DDX17: variants seen among roughly 807,000 people sequenced by gnomAD.
DDX17 encodes probable ATP-dependent RNA helicase DDX17.
Under a neutral mutation model 80.8 loss-of-function variants are expected in DDX17, and 10 were observed. The observed-to-expected ratio is 0.12, with a 90% CI of 0.08 to 0.21. DDX17 has a LOEUF of 0.21. Among genes scored for constraint, DDX17 ranks in the 10% least tolerant of loss-of-function variants. DDX17 has a pLI of 1.00. For synonymous variants in DDX17, 339 were observed against 336.2 expected (o/e 1.01, Z -0.09); for missense variants, 586 against 957.4 (o/e 0.61, Z 5.12).
At chr22:38,505,907 C>T (rs1404738402) in intron 1 of DDX17, 44 bp downstream of exon 1, 2 of 1,529,684 alleles carry the variant, frequency 1.3e-6, no homozygotes, top group Non-Finnish European at 1.8e-6. Context: ...GAAGCAACTC[C>T]CCCACCCCCA....
rs2089649235 is a variant in DDX17, at chr22:38,485,702, T to C, written c.*233A>G. On this transcript the variant is annotated 3_prime_UTR_variant, in exon 13 of 13. Transcript: ENST00000403230. ...TATATATATATATATATATTTTTTT[T>C]TTTTTTACAAAATGTTATTCCAGAC... 1 of 220,278 alleles carries C rather than the reference T, an allele frequency of 4.5e-6. No individual in the cohort carries two copies. The highest frequency in any genetic ancestry group is 1.0e-4 in the South Asian group (1 of 9,972). The allele number at this position is 220,278 out of a possible 1,614,324, so 13.6% of individuals were successfully genotyped here.
rs576411567 is a variant in DDX17, at chr22:38,499,892, C to T, written c.439-393G>A. Among the ~76,000 whole-genome samples the T allele has an allele frequency of 9.9e-5, 15 of 152,020 alleles. No homozygotes were observed. The East Asian group carries it at 1.7e-3, about 18-fold the overall frequency. ...AAGAAGAGACAATGTTGGCTGGGCA[C>T]GGTGGCTCCCACCTGTAATCCCAGC... is the stretch of plus-strand genomic sequence containing the variant. On this transcript the variant is annotated intron_variant, in intron 2 of 12. Transcript: ENST00000403230.
chr22:38,490,283 C>CT, intron 11 of DDX17: 2 of 1,267,442 alleles, frequency 1.6e-6, no homozygotes, highest in South Asian at 2.6e-5. Flanking sequence ...GGATAAGAAC[C>CT]TTTTGTCTGA....
At chr22:38,495,460 T>C (rs2089753209) in intron 6 of DDX17, among the ~76,000 whole-genome samples, 1 of 152,154 alleles carries the variant, frequency 6.6e-6, no homozygotes, top group African/African-American at 2.4e-5. Context: ...TTAGCCAGGA[T>C]GGTCCCAATC....
At chr22:38,488,179 A>G in intron 11 of DDX17, 64 bp from the exon 12 acceptor site, 1 of 1,610,332 alleles carries the variant, frequency 6.2e-7, no homozygotes, top group Non-Finnish European at 8.5e-7. Flanking sequence ...GGTAAAGGAC[A>G]TGCCAACAAC....
Position 38,494,669 on chromosome 22 carries a change from T to G in DDX17, c.1175A>C (p.Gln392Pro). 6.2e-7 allele frequency: 1 copy of G among 1,614,240 alleles called. No individual in the cohort carries two copies. The highest frequency in any genetic ancestry group is 8.5e-7 in the Non-Finnish European group (1 of 1,180,036). ...ACTTTCCATGCAGACATCCACTATC[T>G]GGAGGATGTTGTGGTTGGCACTCAA... Residue 392 changes from glutamine to proline, a missense_variant, in exon 8 of 13, where the codon CAG (glutamine) becomes CCG (proline). By Grantham distance (76) the Gln-to-Pro change is moderately conservative. Coordinates refer to ENST00000403230, the MANE Select transcript of DDX17 (RefSeq NM_006386.5).
chr22:38,495,762 AAACT>A lies in DDX17; in HGVS notation c.880+30_880+33del, dbSNP rs372394620. On this transcript the variant is annotated intron_variant, in intron 6 of 12. Coordinates refer to ENST00000403230, the MANE Select transcript of DDX17 (RefSeq NM_006386.5). Reference sequence around the variant, plus strand: ...TCCACAGGAATTGGTAAAGTAAGATAAACTAACAATTCTTTTACACTATATATTA... The same window carrying A: ...TCCACAGGAATTGGTAAAGTAAGATAAACAATTCTTTTACACTATATATTA... The A allele has an allele frequency of 1.2e-4, 176 of 1,445,890 alleles. No homozygotes were observed. In the East Asian group the frequency reaches 4.1e-3, roughly 33 times the overall value. The allele number at this position is 1,445,890 out of a possible 1,614,324, so 89.6% of individuals were successfully genotyped here.
intron 5 of DDX17, among the ~76,000 whole-genome samples, chr22:38,496,797 AAAT>A (rs1180796821): frequency 1.3e-5 from 2 of 152,226 alleles, no homozygotes; most frequent in African/African-American, 2.4e-5. Flanking sequence ...CAATCTGGCC[AAAT>A]AATACAAAAA....
intron 2 of DDX17, 33 bp downstream of exon 2, chr22:38,501,097 A>C (rs199893882): frequency 5.7e-5 from 91 of 1,605,586 alleles, no homozygotes; most frequent in Admixed American, 2.1e-4. Context: ...TTGGTTCAAT[A>C]ATCTGTACAT....
At position 38,501,145 on chromosome 22, in the gene DDX17, T is replaced by C. The variant is rs768428033; in HGVS notation, c.423A>G (p.Val141=). 4.3e-5 allele frequency: 70 copies of C among 1,613,748 alleles called. No homozygotes were observed. The highest frequency in any genetic ancestry group is 5.8e-5 in the Non-Finnish European group (69 of 1,179,990). Residue 141 remains valine, a synonymous_variant, in exon 2 of 13, where the codon GTA becomes GTG. Transcript: ENST00000403230. ...GTAAACTTACTGGTGTCAGCCTTGC[T>C]ACTTCCGGATGTTCCACATAAAAAT...
chr22:38,500,856 T>G (rs1300738121), intron 2 of DDX17, among the ~76,000 whole-genome samples: 17 of 96,484 alleles, frequency 1.8e-4, no homozygotes, highest in Admixed American at 5.6e-4. Context: ...ATCAGCTGGG[T>G]GCAGTGGCTC....
chr22:38,492,078 T>A lies in DDX17; in HGVS notation c.1425A>T (p.Thr475=). Residue 475 remains threonine (T), a synonymous_variant, in exon 11 of 13, where the codon ACA becomes ACT. Coordinates refer to ENST00000403230, the MANE Select transcript of DDX17 (RefSeq NM_006386.5). ...AACCTAGCCCACGGGAGGCTACATC[T>A]GTAGCAATAAGGATGGGTGCCTTTC... 16 of 1,612,210 alleles carry A rather than the reference T, an allele frequency of 9.9e-6. No homozygotes were observed. The highest frequency in any genetic ancestry group is 1.4e-5 in the Non-Finnish European group (16 of 1,179,176).
chr22:38,489,617 G>C lies in DDX17; in HGVS notation c.1448-1502C>G. 4.1e-6 allele frequency: 4 copies of C among 983,534 alleles called. No homozygotes were observed. Among genetic ancestry groups the C allele is most frequent in the Non-Finnish European group, 4.8e-6 (4 of 828,630 alleles). 60.9% of individuals were successfully genotyped at this position (983,534 alleles called of 1,614,324 possible). A position where few individuals can be genotyped will look rare whatever the true frequency, so the allele number is the denominator to read the frequency against. On this transcript the variant is annotated intron_variant, in intron 11 of 12. Transcript: ENST00000403230. This position sits in a 1 kb window ranked among gnomAD's most constrained non-coding sequence, Gnocchi z 4.6. ...TGGATTAATTTCAAGGGAGAAAGGG[G>C]AGATTAAAAAAAAAAAATTAGCTGT...
intron 11 of DDX17, chr22:38,488,321 G>A: frequency 2.8e-6 from 4 of 1,453,306 alleles, no homozygotes; most frequent in Non-Finnish European, 3.6e-6. Context: ...ACATGCATAG[G>A]AAATAGGATC....
chr22:38,495,016 C>T lies in DDX17; in HGVS notation c.911G>A (p.Arg304His). Reference sequence around the variant, plus strand: ...TCCTGACTCCAGGAAATCTATCAGACGTCCAGGAGTGGCTATGCAGATCTC... The same window carrying T: ...TCCTGACTCCAGGAAATCTATCAGATGTCCAGGAGTGGCTATGCAGATCTC... The change falls in exon 7 of 13, where the codon CGT (arginine) becomes CAT (histidine). Residue 304 changes from arginine (R) to histidine (H), a missense_variant. By Grantham distance (29) the Arg-to-His change is conservative. Coordinates refer to ENST00000403230, the MANE Select transcript of DDX17 (RefSeq NM_006386.5). 2 of 1,613,922 alleles carry T rather than the reference C, an allele frequency of 1.2e-6. No homozygotes were observed. Among genetic ancestry groups the T allele is most frequent in the Non-Finnish European group, 1.7e-6 (2 of 1,179,968 alleles).
At chr22:38,495,574 C>T (rs1445242473) in intron 6 of DDX17, among the ~76,000 whole-genome samples, 1 of 152,158 alleles carries the variant, frequency 6.6e-6, no homozygotes, top group African/African-American at 2.4e-5. Context: ...AAAGTAACCG[C>T]AAAACCATGT....
At chr22:38,487,354 C>T (rs1462631005) in intron 12 of DDX17, among the ~76,000 whole-genome samples, 4 of 151,908 alleles carry the variant, frequency 2.6e-5, no homozygotes, top group Non-Finnish European at 5.9e-5. Flanking sequence ...TTTGGTGGCT[C>T]ACTCCTGTAA....
At position 38,501,192 on chromosome 22, in the gene DDX17, C is replaced by G. The variant is rs1017444309; in HGVS notation, c.376G>C (p.Glu126Gln). Residue 126 changes from glutamate to glutamine, a missense_variant, in exon 2 of 13, where the codon GAG becomes CAG. Physicochemically the swap from Glu to Gln is conservative, Grantham distance 29. Around this residue, in one of 4 missense-constraint regions of DDX17, gnomAD observed 215 missense variants for 238.4 expected, o/e 0.90. Transcript: ENST00000403230. ...AAATTTTTCTCAAACTTGGGGAGCT[C>G]ACTCAAATCCCACTTTTTTTTACGC... 1.2e-6 allele frequency: 2 copies of G among 1,613,746 alleles called. No individual in the cohort carries two copies. The highest frequency in any genetic ancestry group is 1.7e-6 in the Non-Finnish European group (2 of 1,179,970).
intron 1 of DDX17, among the ~76,000 whole-genome samples, chr22:38,502,428 A>G (rs80125082): frequency 1.3e-5 from 2 of 150,930 alleles, no homozygotes; most frequent in African/African-American, 4.9e-5. Flanking sequence ...AAAAAAAAAA[A>G]GCTGAACATA....
Sources: allele counts gnomAD v4.1 joint callset (sites outside exome capture counted in the v4.1 genomes callset), GRCh38; gene constraint gnomAD v4.1.1; regional missense constraint gnomAD v4.1.1; non-coding constraint Gnocchi (gnomAD v3.1); transcripts MANE v1.5; gene names NCBI Gene and HGNC (gene_info 2026-07-23, HGNC 2026-07-21).